C1QTNF7: variants seen among roughly 807,000 people sequenced by gnomAD.
C1QTNF7 encodes complement C1q tumor necrosis factor-related protein 7.
A neutral mutation model predicts 19.6 loss-of-function variants in C1QTNF7; 15 were observed. The ratio of observed to expected loss-of-function variants is 0.76; its 90% confidence interval spans 0.51 to 1.18. C1QTNF7 has a LOEUF of 1.18. Ranked by LOEUF, C1QTNF7 falls within the 50% of genes most tolerant of loss-of-function variation. The probability of loss-of-function intolerance (pLI) is 0.00; values close to 1 mark genes in which losing one functional copy is unlikely to be tolerated. For missense variants in C1QTNF7, 324 were observed against 359.7 expected (o/e 0.90, Z 0.80); for synonymous variants, 142 against 137.5 (o/e 1.03, Z -0.23).
chr4:15,423,089 T>A (rs1308000735), upstream of C1QTNF7, among the ~76,000 whole-genome samples: 2 of 152,252 alleles, frequency 1.3e-5, no homozygotes, highest in African/African-American at 4.8e-5. Flanking sequence ...AGAAACCAGG[T>A]ATCAGTGAAG....
intron 1 of C1QTNF7, among the ~76,000 whole-genome samples, chr4:15,355,303 G>C (rs1008063008): frequency 6.6e-6 from 1 of 152,136 alleles, no homozygotes; most frequent in African/African-American, 2.4e-5. Context: ...CACACGAAGA[G>C]AGCACCAGCT....
Position 15,442,360 on chromosome 4 carries a change from T to A in C1QTNF7, c.431T>A (p.Ile144Asn). 1 of 1,614,108 alleles carries A rather than the reference T, an allele frequency of 6.2e-7. No individual in the cohort carries two copies. Among genetic ancestry groups the A allele is most frequent in the Non-Finnish European group, 8.5e-7 (1 of 1,180,004 alleles). ...CCTGGAGTTTGCAGATGTGGAAGCA[T>A]CGTGCTCAAATCCGCCTTTTCTGTT... ...GLPGVCRCGS[I>N]VLKSAFSVGI... Residue 144 changes from isoleucine (I) to asparagine (N), a missense_variant, in exon 3 of 3, where the codon ATC becomes AAC. Coordinates refer to ENST00000444304, the MANE Select transcript of C1QTNF7 (RefSeq NM_031911.5).
chr4:15,360,649 G>A (rs1056617511), intron 1 of C1QTNF7, among the ~76,000 whole-genome samples: 2 of 152,054 alleles, frequency 1.3e-5, no homozygotes, highest in African/African-American at 2.4e-5. Context: ...TAAATATACT[G>A]CCAAAAAGGA....
At chr4:15,437,883 G>A (rs548431095) in intron 2 of C1QTNF7, among the ~76,000 whole-genome samples, 2 of 152,106 alleles carry the variant, frequency 1.3e-5, no homozygotes, top group Non-Finnish European at 2.9e-5. Context: ...TCTATACGTA[G>A]CCAGCTATCC....
At chr4:15,424,693 C>A (rs2108929149), upstream of C1QTNF7, among the ~76,000 whole-genome samples, 1 of 152,356 alleles carries the variant, frequency 6.6e-6, no homozygotes, top group Middle Eastern at 3.4e-3. Context: ...CCCTTCTCCA[C>A]AACTCTACCT....
chr4:15,395,103 G>C (rs1718736803), intron 1 of C1QTNF7, among the ~76,000 whole-genome samples: 1 of 152,234 alleles, frequency 6.6e-6, no homozygotes, highest in South Asian at 2.1e-4. Context: ...GGGCAGAAGG[G>C]AGAGAAGAGA....
chr4:15,360,387 C>G (rs1378777708), intron 1 of C1QTNF7, among the ~76,000 whole-genome samples: 1 of 152,284 alleles, frequency 6.6e-6, no homozygotes, highest in East Asian at 1.9e-4. Flanking sequence ...ATTACATAAC[C>G]TTGTTTTACG....
Position 15,435,145 on chromosome 4 carries a change from G to A in C1QTNF7, c.-8-591G>A, listed in dbSNP as rs556644196. 5.8e-4 allele frequency among the ~76,000 whole-genome samples: 88 copies of A among 152,170 alleles called. 1 individual carries two copies. Among genetic ancestry groups the A allele is most frequent in the African/African-American group, 1.8e-3 (76 of 41,514 alleles). ...AAGCAACCTAAATATCTATAATGGG[G>A]GTTCTGTACATAAAAGATAGTAGAG... On this transcript the variant is annotated intron_variant, in intron 1 of 2. Coordinates refer to ENST00000444304, the MANE Select transcript of C1QTNF7 (RefSeq NM_031911.5).
upstream of C1QTNF7, among the ~76,000 whole-genome samples, chr4:15,425,508 T>C (rs1179210738): frequency 1.3e-5 from 2 of 152,032 alleles, no homozygotes; most frequent in East Asian, 3.9e-4. Context: ...AAAGAGAAGA[T>C]TCAATTCCTA....
chr4:15,350,322 A>AGGGAAGGAGGGAGGGAG (rs1553884471), intron 1 of C1QTNF7, among the ~76,000 whole-genome samples: 5 of 32,478 alleles, frequency 1.5e-4, no homozygotes, highest in East Asian at 2.3e-3. Context: ...GAGGGAAGGA[A>AGGGAAGGAGGGAGGGAG]GGAGGAAAGA....
At chr4:15,364,807 A>G (rs146940013) in intron 1 of C1QTNF7, among the ~76,000 whole-genome samples, 8 of 152,302 alleles carry the variant, frequency 5.3e-5, no homozygotes, top group African/African-American at 1.4e-4. Context: ...ATGACAATTC[A>G]AAGTACCCAG....
At position 15,442,361 on chromosome 4, in the gene C1QTNF7, C is replaced by T. The variant is rs535929913; in HGVS notation, c.432C>T (p.Ile144=). 121 of 1,614,030 alleles carry T rather than the reference C, an allele frequency of 7.5e-5. 1 individual carries two copies. The highest frequency in any genetic ancestry group is 9.3e-5 in the Non-Finnish European group (110 of 1,180,042). Residue 144 remains isoleucine, a synonymous_variant, in exon 3 of 3, where the codon ATC becomes ATT. Coordinates refer to ENST00000444304, the MANE Select transcript of C1QTNF7 (RefSeq NM_031911.5). ...GLPGVCRCGS[I]VLKSAFSVGI... ...CTGGAGTTTGCAGATGTGGAAGCAT[C>T]GTGCTCAAATCCGCCTTTTCTGTTG...
chr4:15,388,335 T>G (rs545446315), intron 1 of C1QTNF7, among the ~76,000 whole-genome samples: 1 of 152,188 alleles, frequency 6.6e-6, no homozygotes, highest in Non-Finnish European at 1.5e-5. Context: ...GCAGTCGACA[T>G]GCTTGTGTGT....
At chr4:15,378,263 T>TG in intron 1 of C1QTNF7, among the ~76,000 whole-genome samples, 1 of 152,196 alleles carries the variant, frequency 6.6e-6, no homozygotes, top group Admixed American at 6.5e-5. Context: ...CATGGGACAC[T>TG]AGACAAGTCA....
chr4:15,363,287 C>CTT (rs1324810057), intron 1 of C1QTNF7, among the ~76,000 whole-genome samples: 1 of 151,352 alleles, frequency 6.6e-6, no homozygotes, highest in African/African-American at 2.4e-5. Flanking sequence ...GATGGTTGGT[C>CTT]TTTCTTTTTT....
At chr4:15,371,730 G>A (rs534487246) in intron 1 of C1QTNF7, among the ~76,000 whole-genome samples, 1 of 152,312 alleles carries the variant, frequency 6.6e-6, no homozygotes, top group East Asian at 1.9e-4. Context: ...AGAAGCATGT[G>A]AGTTCAGTTT....
intron 1 of C1QTNF7, among the ~76,000 whole-genome samples, chr4:15,390,895 GA>G (rs149031471): frequency 1.3e-5 from 2 of 150,904 alleles, no homozygotes; most frequent in African/African-American, 2.4e-5. Flanking sequence ...CATGAAAACA[GA>G]AAAAAAAATA....
intron 1 of C1QTNF7, among the ~76,000 whole-genome samples, chr4:15,390,255 A>G (rs1306686425): frequency 6.6e-6 from 1 of 152,230 alleles, no homozygotes; most frequent in Non-Finnish European, 1.5e-5. Flanking sequence ...TCCACAGGAA[A>G]GCCACAGCTC....
At chr4:15,366,140 T>A (rs1252903216) in intron 1 of C1QTNF7, among the ~76,000 whole-genome samples, 1 of 152,216 alleles carries the variant, frequency 6.6e-6, no homozygotes. Flanking sequence ...CACAATTTAC[T>A]GTCTCACTCA....
Sources: allele counts gnomAD v4.1 joint callset (sites outside exome capture counted in the v4.1 genomes callset), GRCh38; gene constraint gnomAD v4.1.1; transcripts MANE v1.5; gene names NCBI Gene and HGNC (gene_info 2026-07-23, HGNC 2026-07-21).